ABCC8: variants seen among roughly 807,000 people sequenced by gnomAD.
The protein encoded by ABCC8 is ATP binding cassette subfamily C member 8.
A neutral mutation model predicts 188.0 loss-of-function variants in ABCC8; 137 were observed. That is an observed-to-expected ratio of 0.73 (90% CI 0.63 to 0.84). The LOEUF is 0.84. ABCC8 is among the 40% of genes least tolerant of loss of function. The pLI, the probability that ABCC8 is intolerant of heterozygous loss-of-function variation, is 0.00. For synonymous variants in ABCC8, 797 were observed against 846.5 expected (o/e 0.94, Z 1.01); for missense variants, 1,750 against 2,072.7 (o/e 0.84, Z 3.02).
intron 33 of ABCC8, chr11:17,396,156 C>A: frequency 9.4e-7 from 1 of 1,061,038 alleles, no homozygotes; most frequent in South Asian, 1.6e-5. Flanking sequence ...GCATGGATGT[C>A]CATTTGCCTG....
rs567509769 is a variant in ABCC8 at position 17,393,556 on chromosome 11, C to T, written c.4608+141G>A. ...AGGCTCCCTGCATGCCCTCCAGGCC[C>T]CTTGCCCTGAACTGCCTGCTTCAGG... is the stretch of plus-strand genomic sequence containing the variant. On this transcript the variant is annotated intron_variant, in intron 38 of 38. Coordinates refer to ENST00000389817, the MANE Select transcript of ABCC8 (RefSeq NM_000352.6). The T allele has an allele frequency of 1.9e-5, 26 of 1,368,452 alleles. No homozygotes were observed. In the East Asian group the frequency reaches 5.3e-4, roughly 28 times the overall value. 84.8% of individuals were successfully genotyped at this position (1,368,452 alleles called of 1,614,324 possible).
In ABCC8 at chr11:17,404,385, T is replaced by A; in HGVS notation, c.3557+127A>T. 1.0e-6 allele frequency: 1 copy of A among 995,254 alleles called. No individual in the cohort carries two copies. The highest frequency in any genetic ancestry group is 1.6e-6 in the Non-Finnish European group (1 of 624,668). The allele number at this position is 995,254 out of a possible 1,614,324, so 61.7% of individuals were successfully genotyped here. A position where few individuals can be genotyped will look rare whatever the true frequency, so the allele number is the denominator to read the frequency against. ...GATGTGGATATTTCTATTTCCTTCA[T>A]TTCTGTTTTTTGTTTTTATTTTTTG... On this transcript the variant is annotated intron_variant, in intron 28 of 38. Transcript: ENST00000389817. The surrounding 1 kb of genome is among the most constrained non-coding windows in gnomAD (Gnocchi z 4.7).
chr11:17,445,539 A>T (rs1956490695), intron 8 of ABCC8, among the ~76,000 whole-genome samples: 1 of 152,232 alleles, frequency 6.6e-6, no homozygotes, highest in African/African-American at 2.4e-5. Flanking sequence ...TTACACGGGA[A>T]TGGGGCTTCT....
intron 1 of ABCC8, 66 bp downstream of exon 1, chr11:17,476,563 C>A (rs901260778): frequency 6.4e-7 from 1 of 1,563,680 alleles, no homozygotes; most frequent in Admixed American, 1.8e-5. Flanking sequence ...CGGTGCGGCG[C>A]GCAGCGCCTC....
Position 17,435,692 on chromosome 11 carries a change from C to G in ABCC8, c.1631-3448G>C, listed in dbSNP as rs1034046930. The G allele has an allele frequency of 1.6e-5, 22 of 1,384,706 alleles. No individual in the cohort carries two copies. In the Admixed American group the frequency reaches 3.7e-4, roughly 23 times the overall value. 85.8% of individuals were successfully genotyped at this position (1,384,706 alleles called of 1,614,324 possible). On this transcript the variant is annotated intron_variant, in intron 10 of 38. Coordinates refer to ENST00000389817, the MANE Select transcript of ABCC8 (RefSeq NM_000352.6). ...GTTCTTCACATGGCTGCCAGCCCTA[C>G]AGAGGACAGTACAGTAAGAACCGGG...
chr11:17,413,420 C>T lies in ABCC8; in HGVS notation c.2449G>A (p.Gly817Arg), dbSNP rs1017365876. 5 of 1,614,086 alleles carry T rather than the reference C, an allele frequency of 3.1e-6. No homozygotes were observed. Among genetic ancestry groups the T allele is most frequent in the Middle Eastern group, 1.6e-4 (1 of 6,080 alleles). The change falls in exon 20 of 39, where the codon GGA becomes AGA. Residue 817 changes from glycine (G) to arginine (R), a missense_variant. Physicochemically the swap from Gly to Arg is moderately radical, Grantham distance 125 (BLOSUM62 -2). Transcript: ENST00000389817. ...CGTTCCCCAATCTGGGTCTGGTCTC[C>T]ATGGGGCAGGATGTCGATGTCTGGC... ...LQPDIDILPH[G>R]DQTQIGERGI...
At chr11:17,467,834 T>C (rs2133702801) in intron 3 of ABCC8, among the ~76,000 whole-genome samples, 1 of 152,366 alleles carries the variant, frequency 6.6e-6, no homozygotes, top group Admixed American at 6.5e-5. Flanking sequence ...CAAGGGGAGA[T>C]AACTCCAACA....
intron 16 of ABCC8, among the ~76,000 whole-genome samples, chr11:17,421,690 T>C (rs1221036835): frequency 1.3e-5 from 2 of 152,120 alleles, no homozygotes; most frequent in South Asian, 4.1e-4. Flanking sequence ...ATCTCATGGG[T>C]AATAAGGGAA....
intron 29 of ABCC8, among the ~76,000 whole-genome samples, chr11:17,399,393 C>A (rs1287035919): frequency 1.3e-5 from 2 of 151,654 alleles, no homozygotes; most frequent in Non-Finnish European, 2.9e-5. Flanking sequence ...AAACACCCCA[C>A]ACACTATGCT....
At chr11:17,465,019 C>T (rs1264291248) in intron 3 of ABCC8, among the ~76,000 whole-genome samples, 1 of 152,188 alleles carries the variant, frequency 6.6e-6, no homozygotes, top group Admixed American at 6.5e-5. Flanking sequence ...AGATGTTGGG[C>T]CCCACCATGC....
At chr11:17,466,629 T>C (rs1250914302) in intron 3 of ABCC8, among the ~76,000 whole-genome samples, 1 of 152,114 alleles carries the variant, frequency 6.6e-6, no homozygotes, top group Non-Finnish European at 1.5e-5. Flanking sequence ...TTTTTTTTCT[T>C]TTTTTGAGAC....
chr11:17,425,088 A>T (rs1023462485), intron 16 of ABCC8, among the ~76,000 whole-genome samples: 1 of 152,192 alleles, frequency 6.6e-6, no homozygotes, highest in Non-Finnish European at 1.5e-5. Context: ...CTCCCTCCAA[A>T]GGCTGGAGAG....
rs1564976749 is a variant in ABCC8 at position 17,461,599 on chromosome 11, GC to G, written c.805del (p.Ala269ProfsTer90). 2 of 1,614,218 alleles carry G rather than the reference GC, an allele frequency of 1.2e-6. No individual in the cohort carries two copies. The highest frequency in any genetic ancestry group is 3.3e-5 in the Admixed American group (2 of 60,028). ...ALTNYQRLCE[A>X]FDAQVRKDIQ... ...CCCACTGACCACCTGGGCGTCAAAG[GC>G]CTCGCAGAGCCGTTGGTAGTTGGTG... On this transcript the variant is annotated frameshift_variant, in exon 5 of 39. Transcript: ENST00000389817. LOFTEE classifies it high-confidence loss of function.
Position 17,430,923 on chromosome 11 carries a change from C to T in ABCC8, c.1708G>A (p.Asp570Asn), listed in dbSNP as rs201123779. The change falls in exon 12 of 39, where the codon GAC becomes AAC. Residue 570 changes from aspartate to asparagine, a missense_variant. Physicochemically the swap from Asp to Asn is conservative, Grantham distance 23. Transcript: ENST00000389817. ...GCAAAGGCCACGGAGGGCGAGAAGT[C>T]GGCCTCTTTGAAGAAGCTGACGTGG... is the stretch of plus-strand genomic sequence containing the variant. Reference protein sequence around the residue: ...VGHVSFFKEADFSPSVAFASL... With the variant: ...VGHVSFFKEANFSPSVAFASL... The T allele has an allele frequency of 1.9e-5, 31 of 1,614,100 alleles. No individual in the cohort carries two copies. Among genetic ancestry groups the T allele is most frequent in the South Asian group, 7.7e-5 (7 of 91,084 alleles).
chr11:17,410,662 A>AAGGGAGAGGAAGAGAGTAGAGGGT lies in ABCC8; in HGVS notation c.2557-33_2557-10dup. On this transcript the variant is annotated splice_polypyrimidine_tract_variant and intron_variant, in intron 21 of 38. Coordinates refer to ENST00000389817, the MANE Select transcript of ABCC8 (RefSeq NM_000352.6). ...GCTGAGAAGGGGTCATCCTGGGCAG[A>AAGGGAGAGGAAGAGAGTAGAGGGT]AGGGAGAGGAAGAGAGTAGAGGGTA... 6.2e-7 allele frequency: 1 copy of AAGGGAGAGGAAGAGAGTAGAGGGT among 1,613,924 alleles called. No homozygotes were observed. The highest frequency in any genetic ancestry group is 1.1e-5 in the South Asian group (1 of 91,068).
At chr11:17,457,088 G>C (rs1957021805) in intron 6 of ABCC8, among the ~76,000 whole-genome samples, 1 of 152,198 alleles carries the variant, frequency 6.6e-6, no homozygotes, top group Non-Finnish European at 1.5e-5. Context: ...TGGCCAAGAA[G>C]GAGCTAGTGA....
At chr11:17,395,319 C>T in intron 35 of ABCC8, 44 bp from the exon 36 acceptor site, 1 of 1,553,384 alleles carries the variant, frequency 6.4e-7, no homozygotes, top group Non-Finnish European at 8.7e-7. Flanking sequence ...GAGCAGGGTC[C>T]TGCCTGCATC....
At position 17,395,285 on chromosome 11, in the gene ABCC8, G is replaced by C; in HGVS notation, c.4308-10C>G. 6.4e-7 allele frequency: 1 copy of C among 1,571,954 alleles called. No homozygotes were observed. The highest frequency in any genetic ancestry group is 1.3e-5 in the African/African-American group (1 of 74,216). ...AGGGTCCAGGTTAAATCTGGAAGTG[G>C]CACAGAAAGCCCCAGTAGGGAGGGA... is the stretch of plus-strand genomic sequence containing the variant. On this transcript the variant is annotated splice_polypyrimidine_tract_variant and intron_variant, in intron 35 of 38. Transcript: ENST00000389817.
At chr11:17,414,811 C>A in intron 18 of ABCC8, 2 of 550,768 alleles carry the variant, frequency 3.6e-6, no homozygotes, top group Non-Finnish European at 4.6e-6. Context: ...CTGACTGGGG[C>A]AGCAGGACCT....
Sources: allele counts gnomAD v4.1 joint callset (sites outside exome capture counted in the v4.1 genomes callset), GRCh38; gene constraint gnomAD v4.1.1; non-coding constraint Gnocchi (gnomAD v3.1); transcripts MANE v1.5; gene names NCBI Gene and HGNC (gene_info 2026-07-23, HGNC 2026-07-21).